DNAI1: variants seen among roughly 807,000 people sequenced by gnomAD.
DNAI1 encodes dynein axonemal intermediate chain 1.
A neutral mutation model predicts 92.0 loss-of-function variants in DNAI1; 67 were observed. The ratio of observed to expected loss-of-function variants is 0.73; its 90% CI spans 0.60 to 0.89. The LOEUF (loss-of-function observed/expected upper bound fraction) is 0.89, where lower values mean the gene tolerates loss of function less well. Among genes scored for constraint, DNAI1 ranks in the 40% least tolerant of loss-of-function variants. The pLI, the probability that DNAI1 is intolerant of heterozygous loss-of-function variation, is 0.00. For synonymous variants in DNAI1, 323 were observed against 319.6 expected, an observed-to-expected ratio of 1.01 and a Z score of -0.11; for missense variants, 839 against 866.6, an observed-to-expected ratio of 0.97 and a Z score of 0.40.
chr9:34,503,258 A>G (rs1489935947), intron 12 of DNAI1, among the ~76,000 whole-genome samples: 1 of 152,188 alleles, frequency 6.6e-6, no homozygotes, highest in Admixed American at 6.5e-5. Context: ...CCCTGCATCC[A>G]TCCTGAGCTT....
At chr9:34,502,181 T>G (rs1038329600) in intron 12 of DNAI1, among the ~76,000 whole-genome samples, 8 of 152,194 alleles carry the variant, frequency 5.3e-5, no homozygotes, top group African/African-American at 1.4e-4. Flanking sequence ...AGTGGGTGTT[T>G]GTCATTCCTC....
At chr9:34,510,266 G>A (rs1172351871) in intron 13 of DNAI1, among the ~76,000 whole-genome samples, 4 of 152,220 alleles carry the variant, frequency 2.6e-5, no homozygotes. Flanking sequence ...CCACAGCACA[G>A]GCTTCTTCTC....
chr9:34,505,435 T>C (rs1824907296), intron 12 of DNAI1, among the ~76,000 whole-genome samples: 1 of 152,160 alleles, frequency 6.6e-6, no homozygotes. Flanking sequence ...TCCAGGATAA[T>C]CTCCTCCATC....
chr9:34,481,723 C>A (rs984031434), intron 1 of DNAI1, among the ~76,000 whole-genome samples: 1 of 151,838 alleles, frequency 6.6e-6, no homozygotes, highest in Non-Finnish European at 1.5e-5. Flanking sequence ...CTTAAGATAG[C>A]GCGTCTGGAG....
At chr9:34,473,467 T>G (rs561223725) in intron 1 of DNAI1, among the ~76,000 whole-genome samples, 5 of 151,986 alleles carry the variant, frequency 3.3e-5, no homozygotes, top group African/African-American at 1.2e-4. Context: ...AATTTTTGTA[T>G]TTTTAGTAGA....
chr9:34,492,763 C>T (rs1403819478), intron 8 of DNAI1, among the ~76,000 whole-genome samples: 2 of 151,724 alleles, frequency 1.3e-5, no homozygotes, highest in African/African-American at 4.8e-5. Flanking sequence ...TCAAACAATC[C>T]ACCTGCCTCA....
chr9:34,513,119 C>T lies in DNAI1; in HGVS notation c.1497C>T (p.Gly499=), dbSNP rs1825102669. 3 of 1,613,876 alleles carry T rather than the reference C, an allele frequency of 1.9e-6. No individual in the cohort carries two copies. The highest frequency in any genetic ancestry group is 2.2e-5 in the South Asian group (2 of 91,074). Reference sequence around the variant, plus strand: ...CCTCCCTCTTTTCCCAAGGTTGTGGCACTGCCTTTGACTTCCACAAAGAGA... The same window carrying T: ...CCTCCCTCTTTTCCCAAGGTTGTGGTACTGCCTTTGACTTCCACAAAGAGA... The part of the protein sequence containing the change: ...EGLQLHPVGC[G]TAFDFHKEID... Residue 499 remains glycine, a synonymous_variant, in exon 16 of 20, where the codon GGC becomes GGT. Transcript: ENST00000242317.
At chr9:34,487,962 G>A (rs926850188) in intron 4 of DNAI1, 2 of 259,770 alleles carry the variant, frequency 7.7e-6, no homozygotes, top group Non-Finnish European at 1.6e-5. Context: ...TGGAGTCTGG[G>A]TTTCATTCCT....
Position 34,506,850 on chromosome 9 carries a change from C to A in DNAI1, c.1287C>A (p.Gly429=), listed in dbSNP as rs758182116. The A allele has an allele frequency of 6.2e-7, 1 of 1,614,088 alleles. No homozygotes were observed. Among genetic ancestry groups the A allele is most frequent in the Non-Finnish European group, 8.5e-7 (1 of 1,180,014 alleles). ...QPSFCSSAKS[G]KHSDPVWQVK... ...CCTTCTGCAGCTCAGCCAAGTCTGG[C>A]AAGCACTCAGACCCTGTGTGGCAGG... is the stretch of plus-strand genomic sequence containing the variant. The change falls in exon 13 of 20, where the codon GGC becomes GGA. Residue 429 remains glycine, a synonymous_variant. Coordinates refer to ENST00000242317, the MANE Select transcript of DNAI1 (RefSeq NM_012144.4).
intron 12 of DNAI1, among the ~76,000 whole-genome samples, chr9:34,505,566 C>T (rs1041250993): frequency 5.3e-5 from 8 of 152,208 alleles, no homozygotes; most frequent in Non-Finnish European, 8.8e-5. Flanking sequence ...CTGCCTACCA[C>T]ACACCCCCTC....
At chr9:34,482,640 C>G (rs1277879362) in intron 1 of DNAI1, among the ~76,000 whole-genome samples, 1 of 152,178 alleles carries the variant, frequency 6.6e-6, no homozygotes, top group Non-Finnish European at 1.5e-5. Flanking sequence ...ATTTACAATC[C>G]CTGAGCTAGA....
intron 11 of DNAI1, 121 bp from the exon 12 acceptor site, chr9:34,501,017 G>T (rs1377976725): frequency 3.0e-6 from 3 of 1,008,238 alleles, no homozygotes; most frequent in Middle Eastern, 2.5e-4. Context: ...AGTGGTGAGG[G>T]CCTAAGCTGG....
intron 1 of DNAI1, among the ~76,000 whole-genome samples, chr9:34,471,916 A>G (rs1330288445): frequency 6.6e-6 from 1 of 152,236 alleles, no homozygotes; most frequent in Admixed American, 6.5e-5. Flanking sequence ...CAAATAAGAT[A>G]ATGTACTCCA....
chr9:34,495,447 T>A (rs1824702728), intron 9 of DNAI1, among the ~76,000 whole-genome samples: 1 of 152,240 alleles, frequency 6.6e-6, no homozygotes, highest in African/African-American at 2.4e-5. Context: ...CCTCAGTTTC[T>A]TCATCTGTAA....
intron 14 of DNAI1, 48 bp from the exon 15 acceptor site, chr9:34,512,289 C>T: frequency 6.2e-7 from 1 of 1,611,718 alleles, no homozygotes; most frequent in Admixed American, 1.7e-5. Context: ...GCTCATCTAG[C>T]CCAACCCACG....
intron 1 of DNAI1, among the ~76,000 whole-genome samples, chr9:34,482,184 T>C (rs1410992790): frequency 6.6e-6 from 1 of 152,004 alleles, no homozygotes; most frequent in Non-Finnish European, 1.5e-5. Flanking sequence ...AGGGTGCTGA[T>C]TGGTGTGTTT....
At position 34,492,515 on chromosome 9, in the gene DNAI1, T is replaced by G. The variant is rs1171122783; in HGVS notation, c.682-679T>G. 6.1e-3 allele frequency among the ~76,000 whole-genome samples: 727 copies of G among 118,994 alleles called. 46 individuals carry two copies. The highest frequency in any genetic ancestry group is 0.02 in the African/African-American group (660 of 32,224). 78.1% of individuals were successfully genotyped at this position (118,994 alleles called of 152,430 possible). ...GAAGATATATATATATATATATATA[T>G]ATATATATATATATATATATTTGAG... On this transcript the variant is annotated intron_variant, in intron 8 of 19. Coordinates refer to ENST00000242317, the MANE Select transcript of DNAI1 (RefSeq NM_012144.4).
intron 13 of DNAI1, among the ~76,000 whole-genome samples, chr9:34,510,859 C>G (rs993478622): frequency 3.9e-5 from 6 of 152,154 alleles, no homozygotes; most frequent in Non-Finnish European, 8.8e-5. Flanking sequence ...CTGACTTATG[C>G]CTCACAGGCT....
chr9:34,492,796 C>G (rs1160272718), intron 8 of DNAI1, among the ~76,000 whole-genome samples: 1 of 151,868 alleles, frequency 6.6e-6, no homozygotes, highest in African/African-American at 2.4e-5. Context: ...GCTGGCATTA[C>G]AGGTGTAAGC....
Sources: gnomAD v4.1 joint callset for allele counts (sites outside exome capture counted in the v4.1 genomes callset) on GRCh38, gnomAD v4.1.1 for gene constraint, MANE v1.5 for transcripts, NCBI Gene and HGNC (gene_info 2026-07-23, HGNC 2026-07-21) for gene names.